The following SERPINB6 variants were observed in gnomAD, a reference collection of about 807,000 sequenced individuals.
SERPINB6 encodes the protein serpin family B member 6.
SERPINB6 carries 16 observed loss-of-function variants against 26.1 expected under a neutral mutation model. The observed-to-expected ratio is 0.61, with a 90% CI of 0.42 to 0.93. The LOEUF (loss-of-function observed/expected upper bound fraction) is 0.93, where lower values mean the gene tolerates loss of function less well. SERPINB6 is among the 40% of genes least tolerant of loss of function. SERPINB6 has a pLI of 0.00. For missense variants in SERPINB6, 420 were observed against 478.0 expected (o/e 0.88, Z 1.13); for synonymous variants, 174 against 176.6 (o/e 0.99, Z 0.11).
intron 5 of SERPINB6, among the ~76,000 whole-genome samples, chr6:2,951,037 A>C (rs1213900148): frequency 6.6e-6 from 1 of 152,208 alleles, no homozygotes; most frequent in Non-Finnish European, 1.5e-5. Context: ...TTGTGGCTAC[A>C]TGTACCATCT....
chr6:2,954,652 T>A lies in SERPINB6; in HGVS notation c.370A>T (p.Ile124Phe). Reference sequence around the variant, plus strand: ...TTTCTGGACTTCTCTACGGCGCTGATAAAGTCAAGCTCCTCCATCTCTGCT... The same window carrying A: ...TTTCTGGACTTCTCTACGGCGCTGAAAAAGTCAAGCTCCTCCATCTCTGCT... ...YQAEMEELDFISAVEKSRKHI... is the reference protein window; with the variant it reads ...YQAEMEELDFFSAVEKSRKHI... The change falls in exon 4 of 7, where the codon ATC (isoleucine) becomes TTC (phenylalanine). Residue 124 changes from isoleucine (I) to phenylalanine (F), a missense_variant. Coordinates refer to ENST00000380539, the MANE Select transcript of SERPINB6 (RefSeq NM_004568.6). 6.2e-7 allele frequency: 1 copy of A among 1,614,112 alleles called. No homozygotes were observed. Among genetic ancestry groups the A allele is most frequent in the Non-Finnish European group, 8.5e-7 (1 of 1,180,022 alleles).
chr6:2,970,525 C>G, intron 1 of SERPINB6: 1 of 1,179,256 alleles, frequency 8.5e-7, no homozygotes, highest in African/African-American at 1.6e-5. Context: ...CACATCAGAT[C>G]TCATCGCATC....
At chr6:2,951,178 G>C (rs1310300440) in intron 5 of SERPINB6, among the ~76,000 whole-genome samples, 1 of 152,158 alleles carries the variant, frequency 6.6e-6, no homozygotes, top group Non-Finnish European at 1.5e-5. Context: ...CTGAGGTCAG[G>C]AGTTCGAGAC....
At chr6:2,961,806 G>C (rs1478886469) in intron 1 of SERPINB6, 3 of 984,292 alleles carry the variant, frequency 3.0e-6, no homozygotes, top group Non-Finnish European at 3.6e-6. Flanking sequence ...AGCTGGCCAG[G>C]GGAAGGTCCC....
intron 4 of SERPINB6, 34 bp from the exon 5 acceptor site, chr6:2,953,220 G>C (rs1226021542): frequency 9.9e-6 from 16 of 1,613,686 alleles, no homozygotes; most frequent in Non-Finnish European, 1.4e-5. Context: ...CATTAGATAG[G>C]GGCGGCTGCG....
chr6:2,970,004 C>T lies in SERPINB6; in HGVS notation c.-11+1529G>A, dbSNP rs73347862. ...ACAAAAATTAGCCAGGTATGGAGCCCGGGAGGTGGAGGTTGCAGTCAGCCG... is the reference window on the plus strand; with the variant it reads ...ACAAAAATTAGCCAGGTATGGAGCCTGGGAGGTGGAGGTTGCAGTCAGCCG... On this transcript the variant is annotated intron_variant, in intron 1 of 6. Coordinates refer to ENST00000380539, the MANE Select transcript of SERPINB6 (RefSeq NM_004568.6). The T allele has an allele frequency of 0.011, 10,058 of 894,472 alleles. 788 individuals are homozygous for T. The African/African-American group carries it at 0.17, about 15-fold the overall frequency. 55.4% of individuals were successfully genotyped at this position (894,472 alleles called of 1,614,324 possible). A position where few individuals can be genotyped will look rare whatever the true frequency, so the allele number is the denominator to read the frequency against.
chr6:2,966,886 C>T, intron 1 of SERPINB6: 2 of 960,820 alleles, frequency 2.1e-6, no homozygotes, highest in Non-Finnish European at 2.5e-6. Flanking sequence ...AACTCCCGGC[C>T]TCAAGCTATC....
intron 1 of SERPINB6, chr6:2,968,985 C>T: frequency 2.5e-6 from 3 of 1,218,392 alleles, no homozygotes; most frequent in Non-Finnish European, 3.1e-6. Context: ...CCTCACGTCC[C>T]CACTGCCTCC....
At chr6:2,965,273 T>A (rs1333930823) in intron 1 of SERPINB6, among the ~76,000 whole-genome samples, 5 of 152,222 alleles carry the variant, frequency 3.3e-5, no homozygotes, top group Admixed American at 2.6e-4. Context: ...ACACAAGGAA[T>A]AATCTACCAG....
Position 2,954,729 on chromosome 6 carries a change from A to G in SERPINB6, c.313-20T>C. The G allele has an allele frequency of 6.4e-7, 1 of 1,557,820 alleles. No homozygotes were observed. The highest frequency in any genetic ancestry group is 8.9e-7 in the Non-Finnish European group (1 of 1,128,898). On this transcript the variant is annotated intron_variant, in intron 3 of 6. Coordinates refer to ENST00000380539, the MANE Select transcript of SERPINB6 (RefSeq NM_004568.6). ...AAAAGACTAGGATAGACAGAGTGAC[A>G]TAACTGCCTGGCTACAAAAATGATG...
At chr6:2,961,172 A>G (rs937228981) in intron 1 of SERPINB6, 9 of 152,238 alleles carry the variant, frequency 5.9e-5, no homozygotes, top group African/African-American at 2.2e-4. Flanking sequence ...AACCAAGACA[A>G]TAACTCATAC....
Position 2,967,057 on chromosome 6 carries a change from C to T in SERPINB6, c.-11+4476G>A, listed in dbSNP as rs1290466591. On this transcript the variant is annotated intron_variant, in intron 1 of 6. Transcript: ENST00000380539. The surrounding 1 kb of genome is among the most constrained non-coding windows in gnomAD (Gnocchi z 4.3). Reference sequence around the variant, plus strand: ...CTTAGACTGATATCATCTGGGACTTCTCACCTTTCTCCAGGCTGTGACACA... The same window carrying T: ...CTTAGACTGATATCATCTGGGACTTTTCACCTTTCTCCAGGCTGTGACACA... 7.1e-6 allele frequency: 7 copies of T among 985,472 alleles called. No individual in the cohort carries two copies. Among genetic ancestry groups the T allele is most frequent in the Middle Eastern group, 5.2e-4 (1 of 1,914 alleles). The allele number at this position is 985,472 out of a possible 1,614,324, so 61.0% of individuals were successfully genotyped here.
rs538616923 is a variant in SERPINB6, at chr6:2,955,585, G to T, written c.251C>A (p.Thr84Lys). The T allele has an allele frequency of 6.2e-7, 1 of 1,614,198 alleles. No homozygotes were observed. The highest frequency in any genetic ancestry group is 8.5e-7 in the Non-Finnish European group (1 of 1,180,026). Residue 84 changes from threonine (T) to lysine (K), a missense_variant, in exon 3 of 7, where the codon ACG becomes AAG. Thr to Lys is a moderately conservative substitution (Grantham distance 78). Coordinates refer to ENST00000380539, the MANE Select transcript of SERPINB6 (RefSeq NM_004568.6). Reference protein sequence around the residue: ...SLLTEVNKTGTQYLLRMANRL... With the variant: ...SLLTEVNKTGKQYLLRMANRL... ...GTTGGCCATCCTAAGCAAGTACTGC[G>T]TGCCAGTCTTGTTCACTTCGGTGAG...
At chr6:2,960,535 C>T (rs1770982174) in intron 1 of SERPINB6, 1 of 152,280 alleles carries the variant, frequency 6.6e-6, no homozygotes. Context: ...CAGAGAATGC[C>T]AGCATTCTAA....
At position 2,959,436 on chromosome 6, in the gene SERPINB6, T is replaced by A. The variant is rs571295680; in HGVS notation, c.-10-94A>T. On this transcript the variant is annotated intron_variant, in intron 1 of 6. Coordinates refer to ENST00000380539, the MANE Select transcript of SERPINB6 (RefSeq NM_004568.6). ...CCGACAGTCACCGCCGATGCTGTGG[T>A]TCAGTGGGCAAGCAGAAACACACAC... is the stretch of plus-strand genomic sequence containing the variant. 29 of 1,259,144 alleles carry A rather than the reference T, an allele frequency of 2.3e-5. No individual in the cohort carries two copies. In the African/African-American group the frequency reaches 3.8e-4, roughly 16 times the overall value. 78.0% of individuals were successfully genotyped at this position (1,259,144 alleles called of 1,614,324 possible).
At chr6:2,950,594 G>A (rs570447885) in intron 5 of SERPINB6, among the ~76,000 whole-genome samples, 20 of 148,944 alleles carry the variant, frequency 1.3e-4, no homozygotes, top group African/African-American at 4.7e-4. Context: ...ATGCATAAAC[G>A]AATTAATGAG....
chr6:2,954,042 A>C (rs192533218), intron 4 of SERPINB6, among the ~76,000 whole-genome samples: 140 of 152,138 alleles, frequency 9.2e-4, no homozygotes, highest in African/African-American at 3.3e-3. Context: ...AAGAAAAAAA[A>C]AGAAAATTGA....
At chr6:2,949,817 G>A (rs1052279732) in intron 5 of SERPINB6, among the ~76,000 whole-genome samples, 11 of 152,168 alleles carry the variant, frequency 7.2e-5, no homozygotes, top group African/African-American at 2.7e-4. Context: ...TAAAAAGCCT[G>A]GAATTGTGAT....
chr6:2,952,239 G>A (rs902565133), intron 5 of SERPINB6, among the ~76,000 whole-genome samples: 42 of 152,180 alleles, frequency 2.8e-4, no homozygotes, highest in African/African-American at 8.9e-4. Context: ...TCTGAATTGC[G>A]AGGAGAACAG....
Sources: gnomAD v4.1 joint callset for allele counts (sites outside exome capture counted in the v4.1 genomes callset) on GRCh38, gnomAD v4.1.1 for gene constraint, Gnocchi (gnomAD v3.1) non-coding constraint, MANE v1.5 for transcripts, NCBI Gene and HGNC (gene_info 2026-07-23, HGNC 2026-07-21) for gene names.